STAU2: variants seen among roughly 807,000 people sequenced by gnomAD.
STAU2 encodes double-stranded RNA-binding protein Staufen homolog 2.
A neutral mutation model predicts 65.9 loss-of-function variants in STAU2; 20 were observed. The ratio of observed to expected loss-of-function variants is 0.30; its 90% CI spans 0.21 to 0.44. The LOEUF is 0.44. Among genes scored for constraint, STAU2 ranks in the 20% least tolerant of loss-of-function variants. The pLI, the probability that STAU2 is intolerant of heterozygous loss-of-function variation, is 1.00. For synonymous variants in STAU2, 232 were observed against 233.9 expected (o/e 0.99, Z 0.07); for missense variants, 558 against 683.9 (o/e 0.82, Z 2.05).
intron 13 of STAU2, chr8:73,438,796 G>A: frequency 2.7e-6 from 1 of 376,980 alleles, no homozygotes; most frequent in Non-Finnish European, 5.3e-6. Context: ...CCGCTAACGG[G>A]GACAAGGCCA....
At chr8:73,469,361 G>A (rs1338764758) in intron 13 of STAU2, among the ~76,000 whole-genome samples, 2 of 151,822 alleles carry the variant, frequency 1.3e-5, no homozygotes, top group African/African-American at 2.4e-5. Flanking sequence ...TGTAAAGGAC[G>A]AGTTAATGGG....
intron 2 of STAU2, 93 bp from the exon 3 acceptor site, chr8:73,738,442 T>C: frequency 1.2e-6 from 1 of 857,926 alleles, no homozygotes; most frequent in Non-Finnish European, 1.8e-6. Flanking sequence ...AAATCAAATA[T>C]AAAATGTAAT....
chr8:73,559,278 G>A (rs1210941462), intron 12 of STAU2, among the ~76,000 whole-genome samples: 3 of 152,106 alleles, frequency 2.0e-5, no homozygotes, highest in Non-Finnish European at 2.9e-5. Flanking sequence ...TGAAAGCACC[G>A]TTTTATGCTG....
chr8:73,452,784 AAGAC>A (rs1305135835), intron 13 of STAU2, among the ~76,000 whole-genome samples: 29 of 152,380 alleles, frequency 1.9e-4, no homozygotes, highest in African/African-American at 6.5e-4. Context: ...GATGTCTTCA[AAGAC>A]AGACAACCTC....
intron 3 of STAU2, chr8:73,732,994 T>G (rs1022659440): frequency 2.0e-5 from 3 of 152,096 alleles, no homozygotes; most frequent in African/African-American, 7.2e-5. Flanking sequence ...ACTTTGTTTC[T>G]TGGTAGTCAT....
rs775015905 is a variant in STAU2, at chr8:73,688,803, A to G, written c.125T>C (p.Val42Ala). ...TGTCTGCTCACCAAGACTCAGCTGC[A>G]CTGAGAACATCTTAGAAAAACATAA... is the stretch of plus-strand genomic sequence containing the variant. ...RGPAHSKMFS[V>A]QLSLGEQTWE... Residue 42 changes from valine to alanine, a missense_variant, in exon 5 of 15, where the codon GTG becomes GCG. Val to Ala is a moderately conservative substitution (Grantham distance 64). Transcript: ENST00000524300. 6.2e-7 allele frequency: 1 copy of G among 1,613,982 alleles called. No homozygotes were observed. Among genetic ancestry groups the G allele is most frequent in the South Asian group, 1.1e-5 (1 of 91,056 alleles).
chr8:73,560,054 A>G (rs1422285362), intron 12 of STAU2, among the ~76,000 whole-genome samples: 1 of 151,906 alleles, frequency 6.6e-6, no homozygotes, highest in Non-Finnish European at 1.5e-5. Context: ...ACACACTAAA[A>G]AAAGAGTCAT....
intron 13 of STAU2, chr8:73,439,088 T>A: frequency 2.2e-6 from 1 of 455,916 alleles, no homozygotes. Context: ...GGGTTCTCCA[T>A]GGACAGTATT....
chr8:73,431,177 C>G (rs1817256956), intron 13 of STAU2, among the ~76,000 whole-genome samples: 1 of 152,160 alleles, frequency 6.6e-6, no homozygotes, highest in Admixed American at 6.5e-5. Flanking sequence ...CATAAGCATC[C>G]AGAACGCTCC....
chr8:73,669,055 A>AG (rs11419133), intron 6 of STAU2: 692,538 of 702,358 alleles, frequency 0.99, 341,450 homozygotes, highest in East Asian at 1. Context: ...CAAGGAAAAG[A>AG]CATCTCCTTG....
At chr8:73,741,029 G>A (rs1050145834) in intron 1 of STAU2, among the ~76,000 whole-genome samples, 4 of 140,200 alleles carry the variant, frequency 2.9e-5, no homozygotes, top group Non-Finnish European at 4.6e-5. Context: ...AAAAAGGCCA[G>A]GCGCAGTGGC....
At chr8:73,452,294 T>G (rs1230172441) in intron 13 of STAU2, among the ~76,000 whole-genome samples, 1 of 152,200 alleles carries the variant, frequency 6.6e-6, no homozygotes, top group Non-Finnish European at 1.5e-5. Flanking sequence ...GGGGCTTCGC[T>G]GCACACTTGC....
In STAU2 at chr8:73,613,792, C is replaced by T. The variant is rs776125750; in HGVS notation, c.843G>A (p.Val281=). ...TTTTAAAAAATAGTTTTGGCTTTTC[C>T]ACCACAGGAAGAGGTGGAAGTTTTT... is the stretch of plus-strand genomic sequence containing the variant. ...ELKKLPPLPV[V]EKPKLFFKKR... The change falls in exon 9 of 15, where the codon GTG becomes GTA. Residue 281 remains valine, a synonymous_variant. Coordinates refer to ENST00000524300, the MANE Select transcript of STAU2 (RefSeq NM_001164380.2). The T allele has an allele frequency of 1.5e-5, 25 of 1,613,002 alleles. 1 individual carries two copies. In the South Asian group the frequency reaches 2.6e-4, roughly 17 times the overall value.
At chr8:73,455,331 T>C (rs1464766918) in intron 13 of STAU2, among the ~76,000 whole-genome samples, 1 of 152,176 alleles carries the variant, frequency 6.6e-6, no homozygotes, top group Non-Finnish European at 1.5e-5. Context: ...CAACTTGGTC[T>C]CTGGTCAAAC....
intron 13 of STAU2, among the ~76,000 whole-genome samples, chr8:73,492,802 G>A (rs1156416189): frequency 2.6e-5 from 4 of 151,966 alleles, no homozygotes; most frequent in African/African-American, 9.6e-5. Flanking sequence ...AATTCAACAA[G>A]TGAGGAAAGA....
At chr8:73,467,815 A>G (rs1477986140) in intron 13 of STAU2, among the ~76,000 whole-genome samples, 1 of 152,234 alleles carries the variant, frequency 6.6e-6, no homozygotes, top group Non-Finnish European at 1.5e-5. Flanking sequence ...GGATACAAAC[A>G]AATGGAAGAA....
chr8:73,663,725 CTTTAA>C (rs60754847), intron 6 of STAU2, among the ~76,000 whole-genome samples: 28,594 of 151,114 alleles, frequency 0.19, 2,891 homozygotes, highest in East Asian at 0.37. Context: ...ATAGAGTCTT[CTTTAA>C]TTTGAGCAGT....
At chr8:73,448,125 T>C (rs908289552) in intron 13 of STAU2, among the ~76,000 whole-genome samples, 3 of 152,070 alleles carry the variant, frequency 2.0e-5, no homozygotes, top group African/African-American at 7.2e-5. Context: ...AATCCTAAAA[T>C]GGGCCTGCCA....
At chr8:73,654,010 A>C in intron 6 of STAU2, 1 of 242,716 alleles carries the variant, frequency 4.1e-6, no homozygotes, top group Non-Finnish European at 8.2e-6. Context: ...TAAAAGGATG[A>C]CTTACTTTTA....
Sources: allele counts gnomAD v4.1 joint callset (sites outside exome capture counted in the v4.1 genomes callset), GRCh38; gene constraint gnomAD v4.1.1; transcripts MANE v1.5; gene names NCBI Gene and HGNC (gene_info 2026-07-23, HGNC 2026-07-21).